The following SAMD5 variants were observed in gnomAD, a reference collection of about 807,000 sequenced individuals.
SAMD5 encodes the protein sterile alpha motif domain-containing protein 5.
In SAMD5, 13 loss-of-function variants were observed where a neutral mutation model predicts 11.3. That is an observed-to-expected ratio of 1.15 (90% CI 0.75 to 1.83). SAMD5 has a LOEUF of 1.83. Among genes scored for constraint, SAMD5 ranks in the 40% most tolerant of loss-of-function variants. The pLI, the probability that SAMD5 is intolerant of heterozygous loss-of-function variation, is 0.00. For missense variants in SAMD5, 255 were observed against 239.1 expected (o/e 1.07, Z -0.44); for synonymous variants, 129 against 111.3 (o/e 1.16, Z -1.00).
chr6:147,635,067 C>G (rs1252599732), intron 1 of SAMD5, among the ~76,000 whole-genome samples: 2 of 152,194 alleles, frequency 1.3e-5, no homozygotes, highest in African/African-American at 4.8e-5. Context: ...CATCACAGAT[C>G]ACATACAAAA....
chr6:147,886,842 C>A, the SAMD5 span, among the ~76,000 whole-genome samples: 7 of 152,040 alleles, frequency 4.6e-5, no homozygotes, highest in African/African-American at 1.7e-4. Flanking sequence ...CAACAGACAG[C>A]AAAAAATGTT....
chr6:147,578,011 A>G (rs1454504055), intron 1 of SAMD5, among the ~76,000 whole-genome samples: 1 of 152,156 alleles, frequency 6.6e-6, no homozygotes, highest in African/African-American at 2.4e-5. Flanking sequence ...GTTAAATGCA[A>G]TTTTAGGAAC....
chr6:147,664,446 TC>T (rs1790688653), intron 1 of SAMD5, among the ~76,000 whole-genome samples: 1 of 152,092 alleles, frequency 6.6e-6, no homozygotes, highest in African/African-American at 2.4e-5. Flanking sequence ...AGAGATTTCC[TC>T]CATCAGACTC....
chr6:147,796,207 G>A, the SAMD5 span, among the ~76,000 whole-genome samples: 55 of 151,304 alleles, frequency 3.6e-4, 2 homozygotes, highest in Middle Eastern at 3.4e-3. Flanking sequence ...TAGGTCTAAC[G>A]TTTAAGTCTT....
intron 1 of SAMD5, among the ~76,000 whole-genome samples, chr6:147,734,711 T>TAAAAAAAAAAAAAAAAAAAAA (rs61482319): frequency 1.5e-4 from 4 of 26,108 alleles, no homozygotes; most frequent in African/African-American, 3.7e-4. Flanking sequence ...AGACTCCATC[T>TAAAAAAAAAAAAAAAAAAAAA]AAAAAAAAAA....
At chr6:147,626,286 C>T (rs1292599786) in intron 1 of SAMD5, among the ~76,000 whole-genome samples, 1 of 151,934 alleles carries the variant, frequency 6.6e-6, no homozygotes, top group Non-Finnish European at 1.5e-5. Flanking sequence ...TTTCTTAAGA[C>T]ACTGTAATTG....
At chr6:147,672,165 A>G (rs934519319) in intron 1 of SAMD5, among the ~76,000 whole-genome samples, 2 of 151,984 alleles carry the variant, frequency 1.3e-5, no homozygotes, top group Admixed American at 6.6e-5. Context: ...TAATGCTAGT[A>G]TTTTATACTT....
At chr6:147,530,198 G>T (rs1788407113) in intron 1 of SAMD5, among the ~76,000 whole-genome samples, 1 of 152,218 alleles carries the variant, frequency 6.6e-6, no homozygotes, top group African/African-American at 2.4e-5. Flanking sequence ...TGAGATTTCT[G>T]TGCAGTAATA....
chr6:147,744,054 T>TAGTCAA, the SAMD5 span, among the ~76,000 whole-genome samples: 1 of 152,230 alleles, frequency 6.6e-6, no homozygotes, highest in African/African-American at 2.4e-5. Context: ...GTAACTAATG[T>TAGTCAA]ATGGAATAGT....
intron 1 of SAMD5, among the ~76,000 whole-genome samples, chr6:147,695,471 T>C (rs192618563): frequency 6.6e-6 from 1 of 152,316 alleles, no homozygotes; most frequent in Admixed American, 6.5e-5. Flanking sequence ...AGGCCTAGCA[T>C]ATTAAGTGGA....
chr6:147,801,724 A>G, the SAMD5 span, among the ~76,000 whole-genome samples: 1,280 of 152,300 alleles, frequency 8.4e-3, 14 homozygotes, highest in African/African-American at 0.029. Flanking sequence ...TGGGGCCCAA[A>G]GACAGAGGAG....
the SAMD5 span, among the ~76,000 whole-genome samples, chr6:147,782,665 T>C: frequency 6.6e-6 from 1 of 152,218 alleles, no homozygotes; most frequent in Non-Finnish European, 1.5e-5. Context: ...TCAGGAAGGA[T>C]TAATGGCAGA....
intron 1 of SAMD5, among the ~76,000 whole-genome samples, chr6:147,535,327 G>T (rs1320248474): frequency 6.6e-6 from 1 of 152,190 alleles, no homozygotes; most frequent in Non-Finnish European, 1.5e-5. Flanking sequence ...GTGTTTAAGT[G>T]AACAGCCTAC....
At chr6:147,813,068 C>G in the SAMD5 span, among the ~76,000 whole-genome samples, 2 of 152,166 alleles carry the variant, frequency 1.3e-5, no homozygotes, top group African/African-American at 4.8e-5. Context: ...AATCAGGAGA[C>G]AAGTACTTCT....
At chr6:147,888,216 A>G in the SAMD5 span, among the ~76,000 whole-genome samples, 1 of 152,062 alleles carries the variant, frequency 6.6e-6, no homozygotes, top group Admixed American at 6.6e-5. Context: ...CTAGGAAAAC[A>G]TTGCCTCACC....
the SAMD5 span, among the ~76,000 whole-genome samples, chr6:147,833,539 C>T: frequency 6.6e-6 from 1 of 152,104 alleles, no homozygotes; most frequent in Admixed American, 6.5e-5. Flanking sequence ...TCTATAAATG[C>T]TTAATGAAAG....
rs545017354 is a variant in SAMD5 at position 147,673,415 on chromosome 6, G to C, written c.163-63902G>C. On this transcript the variant is annotated intron_variant, in intron 1 of 1. Coordinates refer to the SAMD5 transcript ENST00000566741. ...TTTTTGTTAGAGACGGGGTTTCACT[G>C]TGTTAGCCAGGATGGTCTTGATCGC... Among the ~76,000 whole-genome samples the C allele has an allele frequency of 2.0e-5, 3 of 152,170 alleles. No homozygotes were observed. The South Asian group carries it at 6.2e-4, about 32-fold the overall frequency.
downstream of SAMD5, among the ~76,000 whole-genome samples, chr6:147,571,529 T>C (rs1789138849): frequency 6.7e-6 from 1 of 148,854 alleles, no homozygotes; most frequent in Non-Finnish European, 1.5e-5. Flanking sequence ...ACAGAGTACA[T>C]TCGTGTAATT....
the SAMD5 span, among the ~76,000 whole-genome samples, chr6:147,941,414 C>A: frequency 6.6e-6 from 1 of 152,160 alleles, no homozygotes; most frequent in Non-Finnish European, 1.5e-5. Context: ...AAGCTGGAAC[C>A]CTCCCTGGCA....
Sources: allele counts gnomAD v4.1 joint callset (sites outside exome capture counted in the v4.1 genomes callset), GRCh38; gene constraint gnomAD v4.1.1; transcripts MANE v1.5; gene names NCBI Gene and HGNC (gene_info 2026-07-23, HGNC 2026-07-21).